GNAS: variants seen among roughly 807,000 people sequenced by gnomAD.
GNAS encodes protein ALEX.
Under a neutral mutation model 54.5 loss-of-function variants are expected in GNAS, and 8 were observed. The ratio of observed to expected loss-of-function variants is 0.15; its 90% CI spans 0.09 to 0.26. The LOEUF is 0.26. Among genes scored for constraint, GNAS ranks in the 10% least tolerant of loss-of-function variants. GNAS has a pLI of 1.00. For missense variants in GNAS, 170 were observed against 529.8 expected, an observed-to-expected ratio of 0.32 and a Z score of 6.67; for synonymous variants, 204 against 191.4, an observed-to-expected ratio of 1.07 and a Z score of -0.54.
rs1044423437 is a variant in GNAS at position 58,857,396 on chromosome 20, C to T, written c.43+16510C>T. ...AAATGACAATGCACTGGTTTCCCTG[C>T]AGACAACTGATTTTGCCATAACAGA... On this transcript the variant is annotated intron_variant, in intron 1 of 12. Coordinates refer to the GNAS transcript ENST00000306090. This position sits in a 1 kb window ranked among gnomAD's most constrained non-coding sequence, Gnocchi z 4.1. Among the ~76,000 whole-genome samples, 2 of 152,224 alleles carry T rather than the reference C, an allele frequency of 1.3e-5. No homozygotes were observed. The highest frequency in any genetic ancestry group is 4.8e-5 in the African/African-American group (2 of 41,448).
At chr20:58,874,972 T>C (rs1335845703) in intron 1 of GNAS, among the ~76,000 whole-genome samples, 2 of 152,254 alleles carry the variant, frequency 1.3e-5, no homozygotes, top group African/African-American at 4.8e-5. Flanking sequence ...TGAAATAATA[T>C]GTCTTATGGA....
In GNAS at chr20:58,898,728, G is replaced by C. The variant is rs1403656351; in HGVS notation, c.213-213G>C. On this transcript the variant is annotated intron_variant, in intron 2 of 12. Coordinates refer to ENST00000371085, the MANE Select transcript of GNAS (RefSeq NM_000516.7). ...GCTCTGTTAATACTGCAGCAAAGGTGTGGGATTCTTCCCCCATGGCCTGCA... is the reference window on the plus strand; with the variant it reads ...GCTCTGTTAATACTGCAGCAAAGGTCTGGGATTCTTCCCCCATGGCCTGCA... 4.7e-6 allele frequency: 3 copies of C among 642,846 alleles called. No individual in the cohort carries two copies. The African/African-American group carries it at 5.4e-5, about 12-fold the overall frequency. The allele number at this position is 642,846 out of a possible 1,614,324, so 39.8% of individuals were successfully genotyped here. A position where few individuals can be genotyped will look rare whatever the true frequency, so the allele number is the denominator to read the frequency against.
intron 3 of GNAS, chr20:58,899,872 CG>C: frequency 2.8e-6 from 2 of 711,272 alleles, no homozygotes; most frequent in Non-Finnish European, 5.2e-6. Flanking sequence ...CTTCTGTGGC[CG>C]GGGAGGGGAG....
intron 1 of GNAS, among the ~76,000 whole-genome samples, chr20:58,871,539 G>A (rs1312961916): frequency 2.0e-5 from 3 of 150,960 alleles, no homozygotes; most frequent in Admixed American, 1.3e-4. Flanking sequence ...GCTTGAACCC[G>A]GGAGGCAGGG....
chr20:58,910,245 T>G lies in GNAS; in HGVS notation c.971-89T>G. On this transcript the variant is annotated intron_variant, in intron 11 of 12. Transcript: ENST00000371085. This position sits in a 1 kb window ranked among gnomAD's most constrained non-coding sequence, Gnocchi z 5.8. ...AATTCTCATATGGAAAAATCAGGGT[T>G]TTGAAGACTTCAGGAGCTACAGAGA... The G allele has an allele frequency of 2.3e-6, 3 of 1,281,854 alleles. No homozygotes were observed. The highest frequency in any genetic ancestry group is 1.5e-5 in the African/African-American group (1 of 68,670). The allele number at this position is 1,281,854 out of a possible 1,614,324, so 79.4% of individuals were successfully genotyped here.
rs909021269 is a variant in GNAS at position 58,910,601 on chromosome 20, G to A, written c.1039-82G>A. ...TGACATCAGAGGCTGGCTGACAGCC[G>A]TCCCTGGTAGGTGTCCCCATCAGGG... is the stretch of plus-strand genomic sequence containing the variant. On this transcript the variant is annotated intron_variant, in intron 12 of 12. Transcript: ENST00000371085. This position sits in a 1 kb window ranked among gnomAD's most constrained non-coding sequence, Gnocchi z 5.8. 2.3e-5 allele frequency: 35 copies of A among 1,508,914 alleles called. No individual in the cohort carries two copies. The highest frequency in any genetic ancestry group is 1.8e-4 in the African/African-American group (13 of 72,682). The allele number at this position is 1,508,914 out of a possible 1,614,324, so 93.5% of individuals were successfully genotyped here. A position where few individuals can be genotyped will look rare whatever the true frequency, so the allele number is the denominator to read the frequency against.
intron 6 of GNAS, among the ~76,000 whole-genome samples, chr20:58,905,905 C>T (rs2091011554): frequency 6.6e-6 from 1 of 152,176 alleles, no homozygotes; most frequent in African/African-American, 2.4e-5. Flanking sequence ...CGCCTCCTCT[C>T]TCCTTGGTAG....
chr20:58,892,099 C>T (rs1568981248), intron 1 of GNAS: 25 of 968,706 alleles, frequency 2.6e-5, no homozygotes, highest in Non-Finnish European at 2.9e-5. Context: ...CGCGGGTCCC[C>T]CTCCCCCGGC....
chr20:58,850,724 T>G (rs1358719444), intron 1 of GNAS: 5 of 398,688 alleles, frequency 1.3e-5, no homozygotes, highest in Non-Finnish European at 2.2e-5. Flanking sequence ...CACCCAAGGG[T>G]TGGCCCCTGG....
At chr20:58,895,148 A>G in intron 1 of GNAS, 1 of 261,622 alleles carries the variant, frequency 3.8e-6, no homozygotes, top group South Asian at 4.2e-5. Context: ...GTGTCTGGGC[A>G]TTGTTGGGAA....
chr20:58,851,337 G>A (rs2086165003), intron 1 of GNAS, among the ~76,000 whole-genome samples: 2 of 151,940 alleles, frequency 1.3e-5, no homozygotes, highest in South Asian at 4.1e-4. Flanking sequence ...GCGGTGGTTC[G>A]CCCGCCTGCA....
At chr20:58,903,241 G>A (rs2090791325) in intron 3 of GNAS, 1 of 513,052 alleles carries the variant, frequency 1.9e-6, no homozygotes, top group African/African-American at 1.9e-5. Context: ...TAGTGTGGGG[G>A]CTTCAAACCC....
rs1568922868 is a variant in GNAS at position 58,853,252 on chromosome 20, G to A, written c.43+12366G>A. 1.3e-6 allele frequency: 2 copies of A among 1,527,748 alleles called. No individual in the cohort carries two copies. The highest frequency in any genetic ancestry group is 1.4e-5 in the African/African-American group (1 of 72,256). The allele number at this position is 1,527,748 out of a possible 1,614,324, so 94.6% of individuals were successfully genotyped here. A position where few individuals can be genotyped will look rare whatever the true frequency, so the allele number is the denominator to read the frequency against. On this transcript the variant is annotated intron_variant, in intron 1 of 12. Transcript: ENST00000306090. This position sits in a 1 kb window ranked among gnomAD's most constrained non-coding sequence, Gnocchi z 4.4. ...CGGAGCCCCAAACTTATTTTGAGAG[G>A]CCGCCACCGTGTTATGGGCGTGCGC...
chr20:58,854,315 G>A, intron 1 of GNAS: 2 of 1,599,580 alleles, frequency 1.3e-6, no homozygotes, highest in East Asian at 4.6e-5. Context: ...AGCGAGCAGA[G>A]AGACCCCCAG....
At chr20:58,844,830 C>A (rs560449428) in intron 1 of GNAS, among the ~76,000 whole-genome samples, 71 of 151,736 alleles carry the variant, frequency 4.7e-4, no homozygotes, top group Non-Finnish European at 7.2e-4. Context: ...ACAACAACAA[C>A]AAAAAACCCC....
intron 3 of GNAS, 144 bp from the exon 4 acceptor site, chr20:58,903,387 A>G (rs983391773): frequency 1.3e-6 from 1 of 768,694 alleles, no homozygotes; most frequent in Non-Finnish European, 2.2e-6. Flanking sequence ...TTATTCAGCT[A>G]CCTCCAATCT....
In GNAS at chr20:58,910,431, CTT is replaced by C. The variant is rs1263209931; in HGVS notation, c.1038+31_1038+32del. ...GTCGAGCCTGTCTTTAGTTTCCTCT[CTT>C]GTTCCTCCTCTTTTTCTCATGGATG... On this transcript the variant is annotated intron_variant, in intron 12 of 12. Transcript: ENST00000371085. The surrounding 1 kb of genome is among the most constrained non-coding windows in gnomAD (Gnocchi z 5.8). 4.7e-6 allele frequency: 7 copies of C among 1,499,894 alleles called. No homozygotes were observed. In the South Asian group the frequency reaches 7.9e-5, roughly 17 times the overall value. 92.9% of individuals were successfully genotyped at this position (1,499,894 alleles called of 1,614,324 possible).
rs775263851 is a variant in GNAS at position 58,854,778 on chromosome 20, A to G, written c.43+13892A>G. The G allele has an allele frequency of 6.4e-6, 10 of 1,562,538 alleles. No homozygotes were observed. The Admixed American group carries it at 1.3e-4, about 20-fold the overall frequency. ...TCCCACTGCCCCAGCCGCTTCTGCC[A>G]CCCGGGCAGCCCAAGTCCGCCGGGC... On this transcript the variant is annotated intron_variant, in intron 1 of 12. Coordinates refer to the GNAS transcript ENST00000306090.
At chr20:58,855,243 C>A in intron 1 of GNAS, 1 of 1,591,522 alleles carries the variant, frequency 6.3e-7, no homozygotes, top group Non-Finnish European at 8.6e-7. Flanking sequence ...GGCCCAGAAG[C>A]GCGCAGAGAA....
Sources: gnomAD v4.1 joint callset for allele counts (sites outside exome capture counted in the v4.1 genomes callset) on GRCh38, gnomAD v4.1.1 for gene constraint, Gnocchi (gnomAD v3.1) non-coding constraint, MANE v1.5 for transcripts, NCBI Gene and HGNC (gene_info 2026-07-23, HGNC 2026-07-21) for gene names.